The following BRINP1 variants were observed in gnomAD, a reference collection of about 807,000 sequenced individuals.
BRINP1 encodes BMP/retinoic acid-inducible neural-specific protein 1.
BRINP1 carries 17 observed loss-of-function variants against 72.9 expected under a neutral mutation model. The observed-to-expected ratio is 0.23, with a 90% CI of 0.16 to 0.35. The LOEUF (loss-of-function observed/expected upper bound fraction) is 0.35, where lower values mean the gene tolerates loss of function less well. Among genes scored for constraint, BRINP1 ranks in the 10% least tolerant of loss-of-function variants. The pLI is 1.00. For synonymous variants in BRINP1, 418 were observed against 378.5 expected (o/e 1.10, Z -1.21); for missense variants, 850 against 1,001.6 (o/e 0.85, Z 2.04).
At chr9:119,283,035 A>G (rs1342085604) in intron 2 of BRINP1, 1 of 985,350 alleles carries the variant, frequency 1.0e-6, no homozygotes, top group Non-Finnish European at 1.2e-6. Flanking sequence ...GAAATTGATG[A>G]CAGGACTTGA....
At position 119,313,219 on chromosome 9, in the gene BRINP1, C is replaced by T. The variant is rs1381692139; in HGVS notation, c.137G>A (p.Gly46Glu). 1.9e-6 allele frequency: 3 copies of T among 1,614,008 alleles called. No individual in the cohort carries two copies. The highest frequency in any genetic ancestry group is 2.5e-6 in the Non-Finnish European group (3 of 1,180,034). Residue 46 changes from glycine to glutamate, a missense_variant, in exon 2 of 8, where the codon GGG (glycine) becomes GAG (glutamate). Transcript: ENST00000265922. ...GTAGCTCCTGGAGTGGTGGAAAGGC[C>T]CCCTGTCTGAAATGAGCCAATCAAA... ...KEFDWLISDR[G>E]PFHHSRSYLS...
intron 1 of BRINP1, among the ~76,000 whole-genome samples, chr9:119,322,783 T>C (rs934306358): frequency 6.6e-6 from 1 of 152,186 alleles, no homozygotes; most frequent in African/African-American, 2.4e-5. Flanking sequence ...CCTTCAAAGC[T>C]GAGTGACCTT....
chr9:119,228,737 C>T (rs1015818437), intron 5 of BRINP1, among the ~76,000 whole-genome samples: 9 of 151,950 alleles, frequency 5.9e-5, no homozygotes, highest in Non-Finnish European at 1.3e-4. Flanking sequence ...TGCGTGATTG[C>T]GCGTGTTGGT....
chr9:119,261,968 C>T (rs1830501352), intron 2 of BRINP1, among the ~76,000 whole-genome samples: 1 of 151,984 alleles, frequency 6.6e-6, no homozygotes. Flanking sequence ...TAAATAATAT[C>T]TCTTTTACAA....
intron 7 of BRINP1, among the ~76,000 whole-genome samples, chr9:119,176,271 C>T (rs34102218): frequency 3.3e-5 from 5 of 152,064 alleles, no homozygotes; most frequent in African/African-American, 7.2e-5. Flanking sequence ...CTAAGGCTGT[C>T]GTGCTGTGGA....
intron 1 of BRINP1, 27 bp from the exon 2 acceptor site, chr9:119,313,432 G>A: frequency 2.7e-6 from 4 of 1,487,812 alleles, no homozygotes; most frequent in Non-Finnish European, 3.6e-6. Context: ...AAAAAAGAGA[G>A]AGAAAAAAAG....
At chr9:119,207,337 GATT>G (rs1211513625) in intron 7 of BRINP1, among the ~76,000 whole-genome samples, 1 of 152,210 alleles carries the variant, frequency 6.6e-6, no homozygotes, top group African/African-American at 2.4e-5. Context: ...TTGATTTATA[GATT>G]TATTAAAGTT....
chr9:119,175,112 T>TAA lies in BRINP1; in HGVS notation c.1146-6890_1146-6889dup, dbSNP rs1491524441. On this transcript the variant is annotated intron_variant, in intron 7 of 7. Transcript: ENST00000265922. Reference sequence around the variant, plus strand: ...TGCACATGTACCCTAAAACTTAAAGTAAAGTATAAAAAAAAAAAAAGACAA... The same window carrying TAA: ...TGCACATGTACCCTAAAACTTAAAGTAAAAAGTATAAAAAAAAAAAAAGACAA... Among the ~76,000 whole-genome samples the TAA allele has an allele frequency of 4.9e-4, 19 of 38,520 alleles. No homozygotes were observed. In the South Asian group the frequency reaches 0.014, roughly 28 times the overall value. The allele number at this position is 38,520 out of a possible 152,430, so 25.3% of individuals were successfully genotyped here. A position where few individuals can be genotyped will look rare whatever the true frequency, so the allele number is the denominator to read the frequency against.
At chr9:119,313,099 T>C (rs186088570) in intron 2 of BRINP1, 39 bp downstream of exon 2, 1,761 of 1,596,680 alleles carry the variant, frequency 1.1e-3, no homozygotes, top group Non-Finnish European at 1.4e-3. Context: ...CAAAGCATAA[T>C]ATGAATGTAA....
intron 2 of BRINP1, among the ~76,000 whole-genome samples, chr9:119,253,398 C>A (rs544008054): frequency 1.3e-5 from 2 of 152,180 alleles, no homozygotes; most frequent in East Asian, 3.9e-4. Flanking sequence ...AATATGTATA[C>A]ATACTCAATG....
chr9:119,341,514 C>T (rs1831405973), intron 1 of BRINP1, among the ~76,000 whole-genome samples: 1 of 152,098 alleles, frequency 6.6e-6, no homozygotes, highest in South Asian at 2.1e-4. Context: ...CTGCAACACC[C>T]AGCAACAGCA....
At chr9:119,240,193 C>T (rs1309663736) in intron 4 of BRINP1, among the ~76,000 whole-genome samples, 1 of 152,108 alleles carries the variant, frequency 6.6e-6, no homozygotes, top group Non-Finnish European at 1.5e-5. Context: ...CGCTTGAAAC[C>T]GGGAACTGGA....
At chr9:119,182,910 T>C (rs1427811979) in intron 7 of BRINP1, among the ~76,000 whole-genome samples, 1 of 152,140 alleles carries the variant, frequency 6.6e-6, no homozygotes, top group Non-Finnish European at 1.5e-5. Flanking sequence ...ATGCAATGAA[T>C]CTCCACTTCA....
intron 1 of BRINP1, among the ~76,000 whole-genome samples, chr9:119,322,303 A>G (rs2119004798): frequency 6.6e-6 from 1 of 152,218 alleles, no homozygotes; most frequent in Non-Finnish European, 1.5e-5. Context: ...CCATTGCTGC[A>G]CAGGGCTCTG....
rs543042391 is a variant in BRINP1 at position 119,319,996 on chromosome 9, C to T, written c.-50-6591G>A. On this transcript the variant is annotated intron_variant, in intron 1 of 7. Coordinates refer to ENST00000265922, the MANE Select transcript of BRINP1 (RefSeq NM_014618.3). ...ACTATAATAAAGAAATGAAGTCCAA[C>T]GGAGGAATGGATGCCAGAGAGACTG... Among the ~76,000 whole-genome samples the T allele has an allele frequency of 5.3e-5, 8 of 152,220 alleles. 1 individual carries two copies. Among genetic ancestry groups the T allele is most frequent in the South Asian group, 4.1e-4 (2 of 4,820 alleles).
At chr9:119,310,319 G>A (rs532675851) in intron 2 of BRINP1, among the ~76,000 whole-genome samples, 1 of 152,324 alleles carries the variant, frequency 6.6e-6, no homozygotes, top group African/African-American at 2.4e-5. Context: ...CCTTCAGGTG[G>A]CAACTCAAGT....
At position 119,267,593 on chromosome 9, in the gene BRINP1, A is replaced by G. The variant is rs191951383; in HGVS notation, c.219-18443T>C. Reference sequence around the variant, plus strand: ...AGAGGTTGCAGGGAGCCAAGACCACACCATTGCACTCTACCCTGGGCAACA... The same window carrying G: ...AGAGGTTGCAGGGAGCCAAGACCACGCCATTGCACTCTACCCTGGGCAACA... On this transcript the variant is annotated intron_variant, in intron 2 of 7. Transcript: ENST00000265922. Among the ~76,000 whole-genome samples the G allele has an allele frequency of 1.3e-3, 193 of 151,418 alleles. 1 individual carries two copies. The highest frequency in any genetic ancestry group is 2.1e-3 in the South Asian group (10 of 4,776).
chr9:119,225,104 T>A (rs7853632), intron 5 of BRINP1, among the ~76,000 whole-genome samples: 14,774 of 152,110 alleles, frequency 0.097, 887 homozygotes, highest in African/African-American at 0.17. Context: ...GCAGCACTAT[T>A]CATAGTAGTC....
chr9:119,367,358 C>G (rs967273272), intron 1 of BRINP1, among the ~76,000 whole-genome samples: 1 of 151,760 alleles, frequency 6.6e-6, no homozygotes, highest in Non-Finnish European at 1.5e-5. Context: ...TGTGTCCCAG[C>G]GTCACAGCCC....
Sources: gnomAD v4.1 joint callset for allele counts (sites outside exome capture counted in the v4.1 genomes callset) on GRCh38, gnomAD v4.1.1 for gene constraint, MANE v1.5 for transcripts, NCBI Gene and HGNC (gene_info 2026-07-23, HGNC 2026-07-21) for gene names.